The following ADAM10 variants were observed in gnomAD, a reference collection of about 807,000 sequenced individuals.
ADAM10 encodes disintegrin and metalloproteinase domain-containing protein 10.
A neutral mutation model predicts 90.1 loss-of-function variants in ADAM10; 17 were observed. The ratio of observed to expected loss-of-function variants is 0.19; its 90% CI spans 0.13 to 0.28. The LOEUF (loss-of-function observed/expected upper bound fraction) is 0.28. Among genes scored for constraint, ADAM10 ranks in the 10% least tolerant of loss-of-function variants. ADAM10 has a pLI of 1.00. For missense variants in ADAM10, 610 were observed against 914.3 expected (o/e 0.67, Z 4.29); for synonymous variants, 310 against 298.6 (o/e 1.04, Z -0.40).
intron 4 of ADAM10, among the ~76,000 whole-genome samples, chr15:58,673,366 C>G (rs1297075203): frequency 3.4e-5 from 5 of 145,582 alleles, no homozygotes; most frequent in African/African-American, 5.2e-5. Flanking sequence ...TTACTCTTAA[C>G]TGAATACCAC....
intron 1 of ADAM10, among the ~76,000 whole-genome samples, chr15:58,735,496 T>C (rs1899400687): frequency 6.6e-6 from 1 of 152,206 alleles, no homozygotes; most frequent in Non-Finnish European, 1.5e-5. Flanking sequence ...CCTGACAAAA[T>C]GACGCGGTAT....
chr15:58,709,215 ATAAG>A, intron 2 of ADAM10, among the ~76,000 whole-genome samples: 1 of 152,220 alleles, frequency 6.6e-6, no homozygotes, highest in Admixed American at 6.5e-5. Context: ...CAACAACCTT[ATAAG>A]GAGCTTAACC....
chr15:58,727,590 C>T (rs1462168947), intron 1 of ADAM10, among the ~76,000 whole-genome samples: 1 of 152,060 alleles, frequency 6.6e-6, no homozygotes, highest in Admixed American at 6.5e-5. Context: ...GCTTGGCCTC[C>T]CGAAGTTCTG....
intron 4 of ADAM10, among the ~76,000 whole-genome samples, chr15:58,674,858 C>T (rs1897275588): frequency 6.6e-6 from 1 of 152,194 alleles, no homozygotes. Flanking sequence ...ATGGCTAACA[C>T]ACATTCTAAA....
At chr15:58,648,323 C>G (rs1381200534) in intron 5 of ADAM10, among the ~76,000 whole-genome samples, 1 of 152,106 alleles carries the variant, frequency 6.6e-6, no homozygotes, top group Non-Finnish European at 1.5e-5. Context: ...TAGATGGTCT[C>G]CAGGTCTCAG....
intron 2 of ADAM10, among the ~76,000 whole-genome samples, chr15:58,705,340 A>C (rs189770706): frequency 6.6e-6 from 1 of 152,298 alleles, no homozygotes; most frequent in East Asian, 1.9e-4. Flanking sequence ...AGTAAGTATT[A>C]TGTTTCTCAT....
At chr15:58,674,700 C>T (rs999361273) in intron 4 of ADAM10, among the ~76,000 whole-genome samples, 12 of 152,196 alleles carry the variant, frequency 7.9e-5, no homozygotes, top group African/African-American at 2.9e-4. Context: ...AACATCCTGA[C>T]ATTTCCACAA....
intron 9 of ADAM10, among the ~76,000 whole-genome samples, chr15:58,631,859 A>C (rs1896111785): frequency 6.6e-6 from 1 of 152,240 alleles, no homozygotes. Context: ...GATTAAGCAC[A>C]TTTTAAATAC....
rs918051706 is a variant in ADAM10 at position 58,589,000 on chromosome 15, G to C, written c.*8547C>G. ...AGAAAATTTATCTCCAGGTATGACG[G>C]AAGGAGGTTGTGCTGCCACAGGATT... On this transcript the variant is annotated 3_prime_UTR_variant, in exon 16 of 16. Transcript: ENST00000260408. 5 of 152,226 alleles carry C rather than the reference G, an allele frequency of 3.3e-5. No individual in the cohort carries two copies. Among genetic ancestry groups the C allele is most frequent in the Non-Finnish European group, 7.3e-5 (5 of 68,042 alleles). 9.4% of individuals were successfully genotyped at this position (152,226 alleles called of 1,614,324 possible). A position where few individuals can be genotyped will look rare whatever the true frequency, so the allele number is the denominator to read the frequency against.
intron 14 of ADAM10, among the ~76,000 whole-genome samples, chr15:58,600,812 T>C (rs556498015): frequency 2.0e-4 from 31 of 152,316 alleles, no homozygotes; most frequent in African/African-American, 6.7e-4. Flanking sequence ...AAACTGAACC[T>C]TTACATTTAT....
At chr15:58,725,094 TAGG>T (rs1271864272) in intron 1 of ADAM10, among the ~76,000 whole-genome samples, 6 of 151,688 alleles carry the variant, frequency 4.0e-5, no homozygotes, top group African/African-American at 1.5e-4. Flanking sequence ...GAGGCTGAGG[TAGG>T]AGGATTGCTT....
Position 58,625,840 on chromosome 15 carries a change from T to C in ADAM10, c.1360+1860A>G, listed in dbSNP as rs143927999. Among the ~76,000 whole-genome samples the C allele has an allele frequency of 7.9e-5, 12 of 152,274 alleles. No individual in the cohort carries two copies. The East Asian group carries it at 1.3e-3, about 17-fold the overall frequency. On this transcript the variant is annotated intron_variant, in intron 10 of 15. Coordinates refer to ENST00000260408, the MANE Select transcript of ADAM10 (RefSeq NM_001110.4). ...TCAGAAATAAAAAAGAACGAACTAT[T>C]GATAAAGGCAATAATTTAGATGAAT...
intron 2 of ADAM10, chr15:58,691,284 T>A: frequency 8.0e-7 from 1 of 1,248,928 alleles, no homozygotes; most frequent in Non-Finnish European, 1.2e-6. Flanking sequence ...CAGACCCTCC[T>A]TGGTAACTGA....
chr15:58,680,641 G>A (rs779134861), intron 3 of ADAM10, among the ~76,000 whole-genome samples: 6 of 152,142 alleles, frequency 3.9e-5, no homozygotes, highest in African/African-American at 9.7e-5. Flanking sequence ...GACATAAAGG[G>A]TGAAAGTAGA....
At chr15:58,641,214 T>G (rs1202100318) in intron 7 of ADAM10, among the ~76,000 whole-genome samples, 2 of 152,218 alleles carry the variant, frequency 1.3e-5, no homozygotes, top group Admixed American at 1.3e-4. Flanking sequence ...TGAGCAAGTA[T>G]TCACCAGATT....
chr15:58,676,482 CA>C (rs1326221394), intron 4 of ADAM10, among the ~76,000 whole-genome samples: 5 of 152,048 alleles, frequency 3.3e-5, no homozygotes, highest in Non-Finnish European at 7.4e-5. Context: ...TTTAAAGAAC[CA>C]ATTAAAGTAA....
chr15:58,749,423 C>A, intron 1 of ADAM10, 57 bp downstream of exon 1: 1 of 1,491,774 alleles, frequency 6.7e-7, no homozygotes, highest in Non-Finnish European at 9.0e-7. Flanking sequence ...CTCCGCTCGG[C>A]CCGGCCGCCG....
rs1427720291 is a variant in ADAM10, at chr15:58,611,101, C to T, written c.1702G>A (p.Ala568Thr). Residue 568 changes from alanine (A) to threonine (T), a missense_variant, in exon 13 of 16, where the codon GCA becomes ACA. Transcript: ENST00000260408. ...HTQVCINGQC[A>T]GSICEKYGLE... is the part of the protein sequence containing the mutation. ...CCATATTTCTCACAGATAGAACCTG[C>T]ACATTGCTAGAAGAAAAATAAAAGA... is the stretch of plus-strand genomic sequence containing the variant. The T allele has an allele frequency of 6.2e-7, 1 of 1,611,762 alleles. No individual in the cohort carries two copies.
chr15:58,732,390 C>T (rs1312610446), intron 1 of ADAM10: 3 of 152,218 alleles, frequency 2.0e-5, no homozygotes, highest in African/African-American at 7.2e-5. Flanking sequence ...CTCCAACCCT[C>T]ATACTTTAAA....
Sources: allele counts gnomAD v4.1 joint callset (sites outside exome capture counted in the v4.1 genomes callset), GRCh38; gene constraint gnomAD v4.1.1; transcripts MANE v1.5; gene names NCBI Gene and HGNC (gene_info 2026-07-23, HGNC 2026-07-21).